The following RBMS3 variants were observed in gnomAD, a reference collection of about 807,000 sequenced individuals.
The protein encoded by RBMS3 is RNA-binding motif, single-stranded-interacting protein 3.
RBMS3 carries 27 observed loss-of-function variants against 66.8 expected under a neutral mutation model. That is an observed-to-expected ratio of 0.40 (90% CI 0.30 to 0.56). RBMS3 has a LOEUF of 0.56. Ranked by LOEUF, RBMS3 falls within the 20% of genes least tolerant of loss-of-function variation. RBMS3 has a pLI of 0.40. For synonymous variants in RBMS3, 188 were observed against 183.0 expected (o/e 1.03, Z -0.22); for missense variants, 513 against 549.5 (o/e 0.93, Z 0.66).
intron 12 of RBMS3, among the ~76,000 whole-genome samples, chr3:29,962,270 A>C (rs1438046606): frequency 6.6e-6 from 1 of 151,464 alleles, no homozygotes; most frequent in African/African-American, 2.4e-5. Context: ...TGATATAAGT[A>C]GGAAGTCCTA....
intron 6 of RBMS3, among the ~76,000 whole-genome samples, chr3:29,841,565 T>G (rs567944810): frequency 3.3e-5 from 5 of 151,994 alleles, no homozygotes; most frequent in Non-Finnish European, 7.4e-5. Context: ...ACAGAGTATG[T>G]CTACCATGTA....
chr3:29,849,034 G>T (rs1197564956), intron 6 of RBMS3, among the ~76,000 whole-genome samples: 1 of 152,078 alleles, frequency 6.6e-6, no homozygotes, highest in Non-Finnish European at 1.5e-5. Context: ...GCCCCTTAGA[G>T]ACCTTGACAT....
At chr3:29,788,383 G>A (rs1052576425) in intron 6 of RBMS3, among the ~76,000 whole-genome samples, 10 of 151,916 alleles carry the variant, frequency 6.6e-5, no homozygotes, top group South Asian at 4.2e-4. Context: ...GTGCCACCAC[G>A]TCCGGCTAAC....
At chr3:29,558,230 A>G (rs1450582320) in intron 3 of RBMS3, among the ~76,000 whole-genome samples, 1 of 152,208 alleles carries the variant, frequency 6.6e-6, no homozygotes, top group African/African-American at 2.4e-5. Context: ...TGAAGGAGAT[A>G]CAAACGAAAA....
intron 4 of RBMS3, among the ~76,000 whole-genome samples, chr3:29,732,324 A>C (rs979413517): frequency 2.8e-4 from 43 of 152,180 alleles, no homozygotes; most frequent in African/African-American, 1.0e-3. Flanking sequence ...GGGGAGGATC[A>C]GCCTTTTTGT....
intron 2 of RBMS3, among the ~76,000 whole-genome samples, chr3:29,471,203 T>C (rs1301030030): frequency 6.6e-6 from 1 of 152,188 alleles, no homozygotes; most frequent in Non-Finnish European, 1.5e-5. Context: ...CATGTTTCTG[T>C]TTTTCTGCAT....
chr3:29,521,392 C>T (rs2044851039), intron 3 of RBMS3, among the ~76,000 whole-genome samples: 1 of 152,160 alleles, frequency 6.6e-6, no homozygotes, highest in Non-Finnish European at 1.5e-5. Context: ...GAAAATATAA[C>T]TTCTGAATAT....
At chr3:29,652,113 T>G (rs1195894740) in intron 4 of RBMS3, among the ~76,000 whole-genome samples, 3 of 152,120 alleles carry the variant, frequency 2.0e-5, no homozygotes, top group Admixed American at 6.5e-5. Flanking sequence ...AGAAGATGTC[T>G]TTCATCCCGA....
intron 3 of RBMS3, among the ~76,000 whole-genome samples, chr3:29,509,901 G>C (rs1045774137): frequency 6.6e-6 from 1 of 152,218 alleles, no homozygotes; most frequent in African/African-American, 2.4e-5. Flanking sequence ...TGCACGTGAA[G>C]TAGTTGTCCA....
chr3:29,948,602 T>A (rs1476889706), intron 12 of RBMS3, among the ~76,000 whole-genome samples: 1 of 151,824 alleles, frequency 6.6e-6, no homozygotes, highest in Non-Finnish European at 1.5e-5. Flanking sequence ...GTACCTCCAA[T>A]TAGCAACAAT....
intron 8 of RBMS3, among the ~76,000 whole-genome samples, chr3:29,889,251 C>G (rs1010546309): frequency 4.0e-5 from 6 of 151,526 alleles, no homozygotes; most frequent in African/African-American, 7.3e-5. Flanking sequence ...ATGGCCCCAC[C>G]ACCACACACA....
intron 10 of RBMS3, among the ~76,000 whole-genome samples, chr3:29,922,508 AAAAAAAG>A (rs2060816798): frequency 1.4e-5 from 2 of 142,644 alleles, no homozygotes; most frequent in African/African-American, 2.6e-5. Context: ...AAAAAAAAAA[AAAAAAAG>A]AAAAAAGATA....
At chr3:29,935,970 T>C (rs2061255472) in intron 10 of RBMS3, 116 bp from the exon 11 acceptor site, 5 of 849,248 alleles carry the variant, frequency 5.9e-6, no homozygotes, top group Non-Finnish European at 9.0e-6. Context: ...TTAGCCTTTT[T>C]AGTAAAAAAG....
At chr3:29,690,323 G>T (rs2149272164) in intron 4 of RBMS3, among the ~76,000 whole-genome samples, 2 of 152,200 alleles carry the variant, frequency 1.3e-5, no homozygotes, top group South Asian at 4.1e-4. Flanking sequence ...GGTGGCATGT[G>T]CCTGTGGTCC....
chr3:29,897,287 ATAT>A, intron 8 of RBMS3, 89 bp from the exon 9 acceptor site: 1 of 1,137,006 alleles, frequency 8.8e-7, no homozygotes, highest in Non-Finnish European at 1.3e-6. Flanking sequence ...GCGGGTGGAA[ATAT>A]GTCTTTCCCA....
chr3:29,311,797 G>A (rs1293505007), intron 1 of RBMS3, among the ~76,000 whole-genome samples: 3 of 151,712 alleles, frequency 2.0e-5, no homozygotes, highest in African/African-American at 7.3e-5. Flanking sequence ...TAGGGGTGAA[G>A]GAATAAGGGT....
At chr3:29,575,861 A>C (rs1385132411) in intron 3 of RBMS3, among the ~76,000 whole-genome samples, 1 of 151,664 alleles carries the variant, frequency 6.6e-6, no homozygotes, top group Non-Finnish European at 1.5e-5. Flanking sequence ...AAATTATTTC[A>C]GTTTCTTTGT....
intron 1 of RBMS3, among the ~76,000 whole-genome samples, chr3:29,295,445 A>G (rs1432063150): frequency 1.3e-5 from 2 of 150,308 alleles, no homozygotes; most frequent in Non-Finnish European, 3.0e-5. Flanking sequence ...TATTTTGCAT[A>G]TCTAGGGAAA....
chr3:29,713,128 A>AT (rs1298861203), intron 4 of RBMS3, among the ~76,000 whole-genome samples: 2 of 151,850 alleles, frequency 1.3e-5, no homozygotes, highest in African/African-American at 2.4e-5. Context: ...TATTATATAT[A>AT]ATATACCACA....
Sources: gnomAD v4.1 joint callset for allele counts (sites outside exome capture counted in the v4.1 genomes callset) on GRCh38, gnomAD v4.1.1 for gene constraint, MANE v1.5 for transcripts, NCBI Gene and HGNC (gene_info 2026-07-23, HGNC 2026-07-21) for gene names.